PC: variants seen among roughly 807,000 people sequenced by gnomAD.
The protein encoded by PC is pyruvate carboxylase, also known as pyruvate carboxylase, mitochondrial.
Under a neutral mutation model 107.8 loss-of-function variants are expected in PC, and 46 were observed. That is an observed-to-expected ratio of 0.43 (90% CI 0.34 to 0.55). The LOEUF is 0.55. PC is among the 20% of genes least tolerant of loss of function. The pLI is 0.04. For synonymous variants in PC, 662 were observed against 684.7 expected, an observed-to-expected ratio of 0.97 and a Z score of 0.52; for missense variants, 1,241 against 1,643.1, an observed-to-expected ratio of 0.76 and a Z score of 4.23.
At chr11:66,850,546 G>T in intron 18 of PC, 82 bp from the exon 19 acceptor site, 1 of 1,607,534 alleles carries the variant, frequency 6.2e-7, no homozygotes, top group South Asian at 1.1e-5. Context: ...TCCCATGTCT[G>T]ACTCAGGTGA....
chr11:66,871,688 T>C lies in PC; in HGVS notation c.320A>G (p.Lys107Arg), dbSNP rs1946740764. 3 of 1,565,520 alleles carry C rather than the reference T, an allele frequency of 1.9e-6. No individual in the cohort carries two copies. The highest frequency in any genetic ancestry group is 1.4e-5 in the African/African-American group (1 of 73,636). The change falls in exon 5 of 23, where the codon AAG (lysine) becomes AGG (arginine). Residue 107 changes from lysine to arginine, a missense_variant and splice_region_variant. Coordinates refer to ENST00000393960, the MANE Select transcript of PC (RefSeq NM_001040716.2). This position sits in a 1 kb window ranked among gnomAD's most constrained non-coding sequence, Gnocchi z 7.4. ...GCCCAGCCAGGCCACTGGGCTCACCTTGGCCACCTTGATGATGTCTGGGAT... is the reference window on the plus strand; with the variant it reads ...GCCCAGCCAGGCCACTGGGCTCACCCTGGCCACCTTGATGATGTCTGGGAT... The part of the protein sequence containing the change: ...LHIPDIIKVA[K>R]ENNVDAVHPG...
At position 66,872,046 on chromosome 11, in the gene PC, C is replaced by A; in HGVS notation, c.114G>T (p.Lys38Asn). The A allele has an allele frequency of 6.4e-7, 1 of 1,562,352 alleles. No individual in the cohort carries two copies. Among genetic ancestry groups the A allele is most frequent in the Non-Finnish European group, 8.7e-7 (1 of 1,153,134 alleles). ...CACCTCTGTTGGCCACCATGACTTT[C>A]TTGATGGGCTTATACTCCAGGCGCC... ...NVRRLEYKPI[K>N]KVMVANRGEI... Residue 38 changes from lysine (K) to asparagine (N), a missense_variant, in exon 4 of 23, where the codon AAG (lysine) becomes AAT (asparagine). Lys to Asn is a moderately conservative substitution (Grantham distance 94, BLOSUM62 0). Transcript: ENST00000393960.
chr11:66,876,061 G>A (rs896202233), intron 3 of PC, among the ~76,000 whole-genome samples: 1 of 152,240 alleles, frequency 6.6e-6, no homozygotes, highest in African/African-American at 2.4e-5. Context: ...AACGGTTTCA[G>A]ATGAAAGGAG....
chr11:66,887,785 G>C (rs1947426548), intron 3 of PC, among the ~76,000 whole-genome samples: 1 of 152,212 alleles, frequency 6.6e-6, no homozygotes, highest in African/African-American at 2.4e-5. Flanking sequence ...TCAGAAGAAA[G>C]ATCAGTTTGG....
chr11:66,913,675 A>AAAG (rs1325751845), intron 3 of PC, among the ~76,000 whole-genome samples: 5 of 151,388 alleles, frequency 3.3e-5, no homozygotes, highest in African/African-American at 7.3e-5. Flanking sequence ...AAAAAAAAAA[A>AAAG]AAAGAAAGAA....
At chr11:66,883,368 C>T (rs896437) in intron 3 of PC, among the ~76,000 whole-genome samples, 11,881 of 152,168 alleles carry the variant, frequency 0.078, 563 homozygotes, top group East Asian at 0.14. Flanking sequence ...AGCTTCCTGC[C>T]GACCCTGCAG....
intron 3 of PC, among the ~76,000 whole-genome samples, chr11:66,892,817 T>C (rs747218872): frequency 4.6e-5 from 7 of 151,862 alleles, no homozygotes; most frequent in Non-Finnish European, 1.0e-4. Context: ...ATGGCGCCAC[T>C]GCATTCTAGC....
Position 66,870,500 on chromosome 11 carries a change from G to T in PC, c.752-47C>A. ...GCTTAGCTTTTACTGGAATCTACAC[G>T]CCTCCTAAATGCCCCATCACCCCCA... On this transcript the variant is annotated intron_variant, in intron 8 of 22. Transcript: ENST00000393960. The surrounding 1 kb of genome is among the most constrained non-coding windows in gnomAD (Gnocchi z 6.1). The T allele has an allele frequency of 6.3e-7, 1 of 1,598,028 alleles. No homozygotes were observed.
intron 3 of PC, among the ~76,000 whole-genome samples, chr11:66,910,868 C>T (rs1948315116): frequency 6.6e-6 from 1 of 152,198 alleles, no homozygotes; most frequent in African/African-American, 2.4e-5. Context: ...GTCACATAAA[C>T]CCACTGTTGT....
chr11:66,937,417 A>T (rs1458879540), intron 3 of PC, among the ~76,000 whole-genome samples: 1 of 152,136 alleles, frequency 6.6e-6, no homozygotes, highest in Non-Finnish European at 1.5e-5. Flanking sequence ...TTGTCATTTG[A>T]CACTTTGATT....
chr11:66,942,265 T>C (rs1725216356), intron 3 of PC, among the ~76,000 whole-genome samples: 2 of 151,416 alleles, frequency 1.3e-5, no homozygotes, highest in Non-Finnish European at 2.9e-5. Context: ...CTGGGCATGG[T>C]GGCAGGCGCC....
chr11:66,935,669 G>A (rs534914329), intron 3 of PC, among the ~76,000 whole-genome samples: 25 of 152,320 alleles, frequency 1.6e-4, no homozygotes, highest in African/African-American at 5.1e-4. Context: ...GTTTGCTGCT[G>A]TCAGAGCTTG....
At chr11:66,859,562 G>A in intron 12 of PC, 2 of 1,586,124 alleles carry the variant, frequency 1.3e-6, no homozygotes, top group South Asian at 1.1e-5. Context: ...TTTGGAGCTG[G>A]GAGCACGGGA....
intron 3 of PC, among the ~76,000 whole-genome samples, chr11:66,901,069 G>A (rs985919865): frequency 3.9e-5 from 6 of 152,264 alleles, no homozygotes; most frequent in Middle Eastern, 6.8e-3. Context: ...AGCAGCAGCC[G>A]CTCAGACCCT....
chr11:66,878,484 A>G (rs1182328140), intron 3 of PC, among the ~76,000 whole-genome samples: 4 of 152,158 alleles, frequency 2.6e-5, no homozygotes, highest in Admixed American at 1.3e-4. Flanking sequence ...CGTGGCCACC[A>G]AGTGTCTGCT....
At chr11:66,907,175 T>C (rs1301688675) in intron 3 of PC, among the ~76,000 whole-genome samples, 2 of 152,146 alleles carry the variant, frequency 1.3e-5, no homozygotes, top group African/African-American at 4.8e-5. Flanking sequence ...CATGCAAGGG[T>C]GTTCTGGCCC....
rs554090254 is a variant in PC at position 66,850,105 on chromosome 11, G to A, written c.2730C>T (p.Ser910=). The A allele has an allele frequency of 8.7e-6, 14 of 1,613,762 alleles. No individual in the cohort carries two copies. The highest frequency in any genetic ancestry group is 3.3e-5 in the Admixed American group (2 of 60,036). ...MLGDLIKVTP[S]SKIVGDLAQF... is the part of the protein sequence containing the mutation. Reference sequence around the variant, plus strand: ...GGGCCAGGTCCCCCACGATCTTGGAGGAGGGCGTCACCTGAGGAGAAGGCC... The same window carrying A: ...GGGCCAGGTCCCCCACGATCTTGGAAGAGGGCGTCACCTGAGGAGAAGGCC... The change falls in exon 20 of 23, where the codon TCC becomes TCT. Residue 910 remains serine (S), a synonymous_variant. Coordinates refer to ENST00000393960, the MANE Select transcript of PC (RefSeq NM_001040716.2).
rs550219353 is a variant in PC, at chr11:66,943,711, G to A, written c.-1+8719C>T. 8.9e-5 allele frequency among the ~76,000 whole-genome samples: 11 copies of A among 123,508 alleles called. No individual in the cohort carries two copies. In the South Asian group the frequency reaches 2.3e-3, roughly 26 times the overall value. 81.0% of individuals were successfully genotyped at this position (123,508 alleles called of 152,430 possible). A position where few individuals can be genotyped will look rare whatever the true frequency, so the allele number is the denominator to read the frequency against. Reference sequence around the variant, plus strand: ...GCGGAGCTTGTGGTGAGCAGAGATCGCGCCACTGCTCTCCAGCCTGGGCTA... The same window carrying A: ...GCGGAGCTTGTGGTGAGCAGAGATCACGCCACTGCTCTCCAGCCTGGGCTA... On this transcript the variant is annotated intron_variant, in intron 3 of 22. Coordinates refer to ENST00000393960, the MANE Select transcript of PC (RefSeq NM_001040716.2).
intron 3 of PC, among the ~76,000 whole-genome samples, chr11:66,923,380 C>CAAAA: frequency 9.6e-6 from 1 of 104,490 alleles, no homozygotes; most frequent in African/African-American, 3.7e-5. Context: ...GACTCCGTCT[C>CAAAA]AAAAAAAAAA....
Sources: gnomAD v4.1 joint callset for allele counts (sites outside exome capture counted in the v4.1 genomes callset) on GRCh38, gnomAD v4.1.1 for gene constraint, Gnocchi (gnomAD v3.1) non-coding constraint, MANE v1.5 for transcripts, NCBI Gene and HGNC (gene_info 2026-07-23, HGNC 2026-07-21) for gene names.